ENTREP2: variants seen among roughly 807,000 people sequenced by gnomAD.
The protein encoded by ENTREP2 is protein ENTREP2.
the ENTREP2 span, among the ~76,000 whole-genome samples, chr15:29,298,474 T>C: frequency 2.6e-5 from 4 of 152,066 alleles, no homozygotes; most frequent in African/African-American, 7.2e-5. Flanking sequence ...TGAGGTAAGA[T>C]TGATGAAGAA....
the ENTREP2 span, among the ~76,000 whole-genome samples, chr15:29,590,345 G>C: frequency 3.9e-5 from 6 of 152,106 alleles, no homozygotes; most frequent in Non-Finnish European, 7.3e-5. Flanking sequence ...GCATTTGTAA[G>C]TAAGAGTTCA....
At chr15:29,155,301 A>C in the ENTREP2 span, among the ~76,000 whole-genome samples, 2 of 142,110 alleles carry the variant, frequency 1.4e-5, no homozygotes, top group Admixed American at 1.4e-4. Flanking sequence ...AAAAAAAAAA[A>C]AAGAAGAAGC....
chr15:29,632,940 A>G, the ENTREP2 span, among the ~76,000 whole-genome samples: 19 of 151,946 alleles, frequency 1.3e-4, no homozygotes, highest in South Asian at 2.9e-3. Context: ...GAGACCAGCC[A>G]CTCTCCACTG....
chr15:29,429,689 C>T, the ENTREP2 span, among the ~76,000 whole-genome samples: 84 of 152,346 alleles, frequency 5.5e-4, no homozygotes, highest in Non-Finnish European at 1.0e-3. Flanking sequence ...GGGACAAATT[C>T]GTCTGTGGTT....
chr15:29,527,670 G>A, the ENTREP2 span, among the ~76,000 whole-genome samples: 1 of 151,998 alleles, frequency 6.6e-6, no homozygotes, highest in Non-Finnish European at 1.5e-5. Context: ...CTGTAATCTT[G>A]CCACCACCAT....
chr15:29,631,676 C>T, the ENTREP2 span, among the ~76,000 whole-genome samples: 269 of 152,356 alleles, frequency 1.8e-3, 1 homozygote, highest in African/African-American at 5.9e-3. Context: ...GAATCATTTT[C>T]TCCAGCTTTT....
At chr15:29,355,805 G>A in the ENTREP2 span, among the ~76,000 whole-genome samples, 3 of 152,136 alleles carry the variant, frequency 2.0e-5, no homozygotes, top group Admixed American at 6.5e-5. Flanking sequence ...AATTCAGAAC[G>A]TAAGAGAGCT....
At chr15:29,470,540 G>T in the ENTREP2 span, among the ~76,000 whole-genome samples, 1 of 152,180 alleles carries the variant, frequency 6.6e-6, no homozygotes, top group African/African-American at 2.4e-5. Flanking sequence ...CGCGGCTGCC[G>T]CTACTAATCA....
chr15:29,393,785 ACTT>A, the ENTREP2 span, among the ~76,000 whole-genome samples: 1 of 152,104 alleles, frequency 6.6e-6, no homozygotes, highest in South Asian at 2.1e-4. Context: ...AAAATATGAA[ACTT>A]TATTTAGCTA....
the ENTREP2 span, among the ~76,000 whole-genome samples, chr15:29,473,386 G>A: frequency 2.0e-5 from 3 of 152,068 alleles, no homozygotes; most frequent in Admixed American, 6.6e-5. Context: ...CCGAGGGATG[G>A]TGGCAGCTGC....
chr15:29,329,309 G>T, the ENTREP2 span, among the ~76,000 whole-genome samples: 4 of 151,444 alleles, frequency 2.6e-5, no homozygotes, highest in African/African-American at 9.7e-5. Flanking sequence ...GTTGCAGTGA[G>T]CTGCGATCGC....
the ENTREP2 span, among the ~76,000 whole-genome samples, chr15:29,300,318 GGATGGATGGATGGAT>G: frequency 3.4e-5 from 4 of 117,546 alleles, no homozygotes; most frequent in Non-Finnish European, 6.8e-5. Context: ...ATGGATGGAT[GGATGGATGGATGGAT>G]GATGGATGGA....
chr15:29,633,413 T>A, the ENTREP2 span, among the ~76,000 whole-genome samples: 1 of 152,146 alleles, frequency 6.6e-6, no homozygotes, highest in Non-Finnish European at 1.5e-5. Flanking sequence ...AAATAATCCA[T>A]TGTAATTCAA....
At chr15:29,670,000 G>A in the ENTREP2 span, among the ~76,000 whole-genome samples, 51 of 152,168 alleles carry the variant, frequency 3.4e-4, 1 homozygote, top group Admixed American at 3.1e-3. Context: ...TTTTCATCAT[G>A]AGTCAGAACT....
chr15:29,296,940 A>C, the ENTREP2 span, among the ~76,000 whole-genome samples: 1 of 152,286 alleles, frequency 6.6e-6, no homozygotes, highest in South Asian at 2.1e-4. Context: ...ACTAAGAATG[A>C]CTTTTACATT....
the ENTREP2 span, among the ~76,000 whole-genome samples, chr15:29,180,735 G>T: frequency 2.2e-4 from 34 of 151,726 alleles, no homozygotes; most frequent in Non-Finnish European, 4.1e-4. Flanking sequence ...CCATATATCT[G>T]CAAAATTTAA....
chr15:29,593,083 G>A, the ENTREP2 span, among the ~76,000 whole-genome samples: 1 of 152,258 alleles, frequency 6.6e-6, no homozygotes, highest in South Asian at 2.1e-4. Flanking sequence ...CTAAGACAGA[G>A]GGACACATTT....
chr15:29,574,640 G>A, the ENTREP2 span, among the ~76,000 whole-genome samples: 2 of 152,184 alleles, frequency 1.3e-5, no homozygotes, highest in African/African-American at 4.8e-5. Flanking sequence ...TGAGCTTCTT[G>A]CTGAAAGACA....
chr15:29,512,794 A>G, the ENTREP2 span, among the ~76,000 whole-genome samples: 6 of 152,174 alleles, frequency 3.9e-5, no homozygotes, highest in African/African-American at 9.7e-5. Context: ...CCCATTAGAG[A>G]GCAGCCCGAG....
Sources: allele counts gnomAD v4.1 joint callset (sites outside exome capture counted in the v4.1 genomes callset), GRCh38; gene constraint gnomAD v4.1.1; transcripts MANE v1.5; gene names NCBI Gene and HGNC (gene_info 2026-07-23, HGNC 2026-07-21).